Variants in ZNF469 observed in about 807,000 individuals in gnomAD.
ZNF469 encodes the protein zinc finger protein 469.
A neutral mutation model predicts 1.0 loss-of-function variants in ZNF469; 1 was observed. The ratio of observed to expected loss-of-function variants is 1.00; its 90% CI spans 0.35 to 4.73. The LOEUF (loss-of-function observed/expected upper bound fraction) is 4.73, where lower values mean the gene tolerates loss of function less well. Among genes scored for constraint, ZNF469 ranks in the 30% most tolerant of loss-of-function variants. ZNF469 has a pLI of 0.16. For synonymous variants in ZNF469, 2,703 were observed against 2,363.4 expected (o/e 1.14, Z -4.17); for missense variants, 6,100 against 5,356.3 (o/e 1.14, Z -4.33).
rs1399655418 is a variant in ZNF469 at position 88,435,645 on chromosome 16, T to C, written c.8175T>C (p.Pro2725=). The change falls in exon 3 of 3, where the codon CCT becomes CCC. Residue 2725 remains proline (P), a synonymous_variant. Transcript: ENST00000565624. ...GGGAGACTGGGGCCCAGAAGCCACC[T>C]GGAGATCGGATGCTGTGTCCAGGGA... The part of the protein sequence containing the change: ...CAGETGAQKP[P]GDRMLCPGRM... 1.3e-6 allele frequency: 2 copies of C among 1,550,408 alleles called. No individual in the cohort carries two copies. The highest frequency in any genetic ancestry group is 1.7e-6 in the Non-Finnish European group (2 of 1,146,968).
At chr16:88,137,556 C>T in the ZNF469 span, among the ~76,000 whole-genome samples, 21 of 152,278 alleles carry the variant, frequency 1.4e-4, no homozygotes, top group East Asian at 9.6e-4. Flanking sequence ...ATGTGCATAC[C>T]GCCATGCATG....
At chr16:88,241,091 G>A in the ZNF469 span, among the ~76,000 whole-genome samples, 7 of 152,304 alleles carry the variant, frequency 4.6e-5, no homozygotes, top group East Asian at 1.9e-4. The surrounding 1 kb of genome is among the most constrained non-coding windows in gnomAD (Gnocchi z 4.8). Flanking sequence ...TTGTTAGGCC[G>A]GGCGCAGTGG....
chr16:88,154,795 G>A, the ZNF469 span, among the ~76,000 whole-genome samples: 35 of 152,302 alleles, frequency 2.3e-4, no homozygotes, highest in East Asian at 7.7e-4. Flanking sequence ...GACGGTGAAC[G>A]CAGGCAGGGA....
chr16:88,279,556 C>T, the ZNF469 span, among the ~76,000 whole-genome samples: 524 of 139,596 alleles, frequency 3.8e-3, 3 homozygotes, highest in African/African-American at 0.014. Context: ...TATCAGTGCA[C>T]GGTTAGTGCT....
chr16:88,356,843 G>A, the ZNF469 span, among the ~76,000 whole-genome samples: 1 of 152,220 alleles, frequency 6.6e-6, no homozygotes, highest in Non-Finnish European at 1.5e-5. Context: ...CTGGAGATGG[G>A]GCAAGAGGCA....
the ZNF469 span, among the ~76,000 whole-genome samples, chr16:88,292,479 C>T: frequency 2.0e-5 from 3 of 152,208 alleles, no homozygotes; most frequent in Non-Finnish European, 2.9e-5. Flanking sequence ...CAGTGGGGTC[C>T]GGGGACCAAC....
the ZNF469 span, among the ~76,000 whole-genome samples, chr16:88,102,663 A>G: frequency 2.0e-4 from 31 of 152,298 alleles, no homozygotes; most frequent in African/African-American, 7.5e-4. Flanking sequence ...CAAGGTACCG[A>G]CAGCCCTCAT....
rs1198547301 is a variant in ZNF469 at position 88,429,500 on chromosome 16, G to C, written c.2030G>C (p.Gly677Ala). 6.5e-7 allele frequency: 1 copy of C among 1,549,960 alleles called. No homozygotes were observed. Among genetic ancestry groups the C allele is most frequent in the East Asian group, 2.4e-5 (1 of 40,886 alleles). Residue 677 changes from glycine (G) to alanine (A), a missense_variant, in exon 3 of 3, where the codon GGA (glycine) becomes GCA (alanine). Coordinates refer to ENST00000565624, the MANE Select transcript of ZNF469 (RefSeq NM_001367624.2). ...KAFPFPADGL[G>A]AEGAFQCLEE... ...TTCCCTTTTCCCGCAGATGGGCTGG[G>C]AGCCGAGGGTGCCTTCCAGTGCCTG...
chr16:88,340,193 G>C, the ZNF469 span, among the ~76,000 whole-genome samples: 1 of 152,180 alleles, frequency 6.6e-6, no homozygotes, highest in East Asian at 1.9e-4. Context: ...AGTCCAGGCC[G>C]GCACGGCAGC....
At chr16:88,194,881 G>C in the ZNF469 span, 1 of 152,322 alleles carries the variant, frequency 6.6e-6, no homozygotes, top group East Asian at 1.9e-4. Context: ...TTACCCGGGC[G>C]GGGAGGGAAT....
chr16:88,109,076 C>T, the ZNF469 span, among the ~76,000 whole-genome samples: 15 of 152,302 alleles, frequency 9.8e-5, no homozygotes, highest in Non-Finnish European at 2.1e-4. Flanking sequence ...AGAACAAATG[C>T]GCCAGCTGCC....
the ZNF469 span, among the ~76,000 whole-genome samples, chr16:88,208,482 G>A: frequency 7.9e-6 from 1 of 126,370 alleles, no homozygotes; most frequent in Admixed American, 8.2e-5. Context: ...AGGAGGGAGG[G>A]AGGGAGGGAG....
At chr16:88,321,119 G>C in the ZNF469 span, among the ~76,000 whole-genome samples, 1 of 152,250 alleles carries the variant, frequency 6.6e-6, no homozygotes, top group Non-Finnish European at 1.5e-5. Context: ...AGCCTGGCCC[G>C]GGGATGCCGC....
chr16:88,260,134 C>T, the ZNF469 span, among the ~76,000 whole-genome samples: 1 of 143,890 alleles, frequency 6.9e-6, no homozygotes, highest in Non-Finnish European at 1.5e-5. The surrounding 1 kb of genome is among the most constrained non-coding windows in gnomAD (Gnocchi z 4.1). Flanking sequence ...CACACCACCA[C>T]GCCCTGCTAG....
the ZNF469 span, among the ~76,000 whole-genome samples, chr16:88,146,032 A>T: frequency 1.3e-5 from 2 of 152,238 alleles, no homozygotes; most frequent in African/African-American, 4.8e-5. Flanking sequence ...CAGGAACAGC[A>T]GCTTCATCCA....
In ZNF469 at chr16:88,385,926, G is replaced by A. The variant is rs147920210; in HGVS notation, c.-192+2672G>A. On this transcript the variant is annotated intron_variant, in intron 1 of 2. Transcript: ENST00000565624. ...TTGGTAGGTACCAGCTGCTGTGGTTGCAGCCCATGGGTTTCAGGAGACTCC... is the reference window on the plus strand; with the variant it reads ...TTGGTAGGTACCAGCTGCTGTGGTTACAGCCCATGGGTTTCAGGAGACTCC... Among the ~76,000 whole-genome samples, 5 of 152,340 alleles carry A rather than the reference G, an allele frequency of 3.3e-5. No individual in the cohort carries two copies. In the East Asian group the frequency reaches 7.7e-4, roughly 24 times the overall value.
At chr16:88,425,021 C>T (rs916461184) in intron 2 of ZNF469, among the ~76,000 whole-genome samples, 150 bp downstream of exon 2, 3 of 152,172 alleles carry the variant, frequency 2.0e-5, no homozygotes, top group African/African-American at 7.2e-5. Flanking sequence ...GAGCCGACTC[C>T]TGGGGCCCGC....
the ZNF469 span, among the ~76,000 whole-genome samples, chr16:88,330,664 A>G: frequency 2.6e-5 from 4 of 152,178 alleles, no homozygotes; most frequent in Admixed American, 2.6e-4. Context: ...TGCCTCAGTC[A>G]GCACAGGAGG....
At chr16:88,231,958 G>A in the ZNF469 span, among the ~76,000 whole-genome samples, 1 of 152,028 alleles carries the variant, frequency 6.6e-6, no homozygotes, top group Non-Finnish European at 1.5e-5. The surrounding 1 kb of genome is among the most constrained non-coding windows in gnomAD (Gnocchi z 4.5). Context: ...GCCGCAGGAG[G>A]CAGGGAATGA....
Sources: gnomAD v4.1 joint callset for allele counts (sites outside exome capture counted in the v4.1 genomes callset) on GRCh38, gnomAD v4.1.1 for gene constraint, Gnocchi (gnomAD v3.1) non-coding constraint, MANE v1.5 for transcripts, NCBI Gene and HGNC (gene_info 2026-07-23, HGNC 2026-07-21) for gene names.